The following NAV2 variants were observed in gnomAD, a reference collection of about 807,000 sequenced individuals.
NAV2 encodes the protein neuron navigator 2.
In NAV2, 54 loss-of-function variants were observed where a neutral mutation model predicts 223.2. The observed-to-expected ratio is 0.24, with a 90% CI of 0.19 to 0.30. NAV2 has a LOEUF of 0.30. Ranked by LOEUF, NAV2 falls within the 10% of genes least tolerant of loss-of-function variation. The pLI is 1.00. For missense variants in NAV2, 2,806 were observed against 3,147.5 expected (o/e 0.89, Z 2.60); for synonymous variants, 1,279 against 1,239.3 (o/e 1.03, Z -0.67).
intron 6 of NAV2, among the ~76,000 whole-genome samples, chr11:19,918,972 C>T (rs938543499): frequency 6.6e-6 from 1 of 152,070 alleles, no homozygotes; most frequent in African/African-American, 2.4e-5. Context: ...CACCATATAT[C>T]CATTGCTGTA....
chr11:20,019,234 T>A (rs2054276103), intron 11 of NAV2, among the ~76,000 whole-genome samples: 1 of 152,200 alleles, frequency 6.6e-6, no homozygotes, highest in African/African-American at 2.4e-5. Flanking sequence ...GGTCCAAGGT[T>A]ATCTTATTGC....
At chr11:19,864,349 G>T (rs2061966465) in intron 3 of NAV2, among the ~76,000 whole-genome samples, 2 of 152,122 alleles carry the variant, frequency 1.3e-5, no homozygotes, top group Non-Finnish European at 2.9e-5. Flanking sequence ...CAGCTACACT[G>T]GTATTCGGAG....
chr11:19,668,940 C>T (rs2048503144), intron 1 of NAV2, among the ~76,000 whole-genome samples: 1 of 152,082 alleles, frequency 6.6e-6, no homozygotes, highest in Admixed American at 6.6e-5. Flanking sequence ...CTATGGGAGA[C>T]AATTAGGAAA....
At chr11:20,087,240 G>A (rs1187221260) in intron 26 of NAV2, among the ~76,000 whole-genome samples, 2 of 152,160 alleles carry the variant, frequency 1.3e-5, no homozygotes, top group Non-Finnish European at 2.9e-5. Flanking sequence ...CAGCTGTGCA[G>A]GACCATGGCA....
chr11:19,355,432 C>T (rs1248410639), intron 1 of NAV2, among the ~76,000 whole-genome samples: 1 of 152,128 alleles, frequency 6.6e-6, no homozygotes, highest in Non-Finnish European at 1.5e-5. Context: ...GTTGGCTGAA[C>T]TGCTCTGGAT....
chr11:19,465,088 T>C (rs915724871), intron 1 of NAV2, among the ~76,000 whole-genome samples: 3 of 152,174 alleles, frequency 2.0e-5, no homozygotes, highest in African/African-American at 7.2e-5. Flanking sequence ...TCTGAGATAG[T>C]GTTGATTATT....
At position 19,663,537 on chromosome 11, in the gene NAV2, G is replaced by C. The variant is rs967267230; in HGVS notation, c.76-168947G>C. On this transcript the variant is annotated intron_variant, in intron 1 of 37. Coordinates refer to the NAV2 transcript ENST00000360655. ...GCTGTTCCTGTGGTCCCCTGTCCCCGACCCCCATGGTATGGACTTTTCATT... is the reference window on the plus strand; with the variant it reads ...GCTGTTCCTGTGGTCCCCTGTCCCCCACCCCCATGGTATGGACTTTTCATT... 2.0e-5 allele frequency among the ~76,000 whole-genome samples: 3 copies of C among 152,286 alleles called. No individual in the cohort carries two copies. In the South Asian group the frequency reaches 6.2e-4, roughly 32 times the overall value.
intron 37 of NAV2, among the ~76,000 whole-genome samples, chr11:20,117,102 C>G (rs1008829232): frequency 1.3e-5 from 2 of 152,140 alleles, no homozygotes; most frequent in African/African-American, 4.8e-5. Flanking sequence ...GATTGTATGC[C>G]CAGCTGCACC....
chr11:20,012,265 A>G (rs2153513464), intron 11 of NAV2, among the ~76,000 whole-genome samples: 1 of 152,334 alleles, frequency 6.6e-6, no homozygotes, highest in South Asian at 2.1e-4. Context: ...AAAATATAGA[A>G]CTTGAAACTA....
At chr11:20,057,697 T>C (rs751136853) in intron 19 of NAV2, among the ~76,000 whole-genome samples, 1 of 152,230 alleles carries the variant, frequency 6.6e-6, no homozygotes, top group African/African-American at 2.4e-5. Context: ...TTCTCTGCCA[T>C]GTGTCTTCCT....
rs547835230 is a variant in NAV2, at chr11:20,073,694, T to C, written c.4984-3858T>C. Reference sequence around the variant, plus strand: ...TGTATGTGTCCAGGAATTTATCCATTTCTTCTAGATTTTCTAGTTTGCTTA... The same window carrying C: ...TGTATGTGTCCAGGAATTTATCCATCTCTTCTAGATTTTCTAGTTTGCTTA... On this transcript the variant is annotated intron_variant, in intron 22 of 37. Coordinates refer to ENST00000349880, the MANE Select transcript of NAV2 (RefSeq NM_145117.5). Among the ~76,000 whole-genome samples the C allele has an allele frequency of 2.0e-5, 3 of 152,338 alleles. No individual in the cohort carries two copies. The South Asian group carries it at 6.2e-4, about 32-fold the overall frequency.
intron 1 of NAV2, among the ~76,000 whole-genome samples, chr11:19,458,121 C>T (rs374766749): frequency 2.6e-4 from 39 of 152,314 alleles, no homozygotes; most frequent in African/African-American, 8.4e-4. Flanking sequence ...CCCAGCCAGA[C>T]GACTGCATCT....
intron 1 of NAV2, among the ~76,000 whole-genome samples, chr11:19,421,120 G>A (rs2702743): frequency 0.017 from 2,542 of 152,218 alleles, 67 homozygotes; most frequent in African/African-American, 0.057. Context: ...GGTCATAGTC[G>A]ATGGACCTGC....
intron 36 of NAV2, among the ~76,000 whole-genome samples, chr11:20,110,978 G>T (rs1243035577): frequency 6.6e-6 from 1 of 152,146 alleles, no homozygotes; most frequent in Non-Finnish European, 1.5e-5. Flanking sequence ...AACGTAAGGA[G>T]ACCTGCTGTC....
In NAV2 at chr11:19,901,496, G is replaced by A. The variant is rs370128989; in HGVS notation, c.931+8902G>A. ...TGGGAAGCAGAGGTTGCAGTGAGCCGAGATCACACCACTGCACTTCCTCCT... is the reference window on the plus strand; with the variant it reads ...TGGGAAGCAGAGGTTGCAGTGAGCCAAGATCACACCACTGCACTTCCTCCT... On this transcript the variant is annotated intron_variant, in intron 6 of 37. Coordinates refer to ENST00000349880, the MANE Select transcript of NAV2 (RefSeq NM_145117.5). 1.8e-3 allele frequency among the ~76,000 whole-genome samples: 269 copies of A among 151,526 alleles called. 8 individuals are homozygous for A. The South Asian group carries it at 0.052, about 29-fold the overall frequency.
chr11:19,736,956 A>C (rs1183320618), intron 1 of NAV2, among the ~76,000 whole-genome samples: 3 of 152,240 alleles, frequency 2.0e-5, no homozygotes, highest in Admixed American at 1.3e-4. Flanking sequence ...TTAATATGCC[A>C]GCCCCATTTT....
intron 11 of NAV2, among the ~76,000 whole-genome samples, chr11:19,989,264 G>A (rs1591554669): frequency 6.6e-6 from 1 of 152,346 alleles, no homozygotes; most frequent in South Asian, 2.1e-4. Flanking sequence ...AAAAGTGAAA[G>A]AGGGAGGCCA....
intron 1 of NAV2, among the ~76,000 whole-genome samples, chr11:19,473,404 G>A (rs1040988988): frequency 2.0e-5 from 3 of 152,102 alleles, no homozygotes; most frequent in African/African-American, 7.2e-5. Context: ...ATTTAAAAGT[G>A]CATATCCAAT....
chr11:19,999,733 G>A (rs1010961322), intron 11 of NAV2, among the ~76,000 whole-genome samples: 5 of 152,176 alleles, frequency 3.3e-5, no homozygotes, highest in African/African-American at 9.7e-5. Context: ...GTGCTGCTAC[G>A]TAGAGGTCAG....
Sources: gnomAD v4.1 joint callset for allele counts (sites outside exome capture counted in the v4.1 genomes callset) on GRCh38, gnomAD v4.1.1 for gene constraint, MANE v1.5 for transcripts, NCBI Gene and HGNC (gene_info 2026-07-23, HGNC 2026-07-21) for gene names.